SORCS2: variants seen among roughly 807,000 people sequenced by gnomAD.
SORCS2 encodes the protein sortilin related VPS10 domain containing receptor 2.
In SORCS2, 100 loss-of-function variants were observed where a neutral mutation model predicts 141.6. The observed-to-expected ratio is 0.71, with a 90% CI of 0.60 to 0.83. SORCS2 has a LOEUF of 0.83. Ranked by LOEUF, SORCS2 falls within the 40% of genes least tolerant of loss-of-function variation. The pLI is 0.00. For missense variants in SORCS2, 1,646 were observed against 1,560.2 expected (o/e 1.05, Z -0.93); for synonymous variants, 789 against 676.9 (o/e 1.17, Z -2.57).
At chr4:7,472,256 G>C (rs1730021557) in intron 2 of SORCS2, among the ~76,000 whole-genome samples, 1 of 152,160 alleles carries the variant, frequency 6.6e-6, no homozygotes, top group African/African-American at 2.4e-5. Context: ...CCTGGGGCTG[G>C]CTGCACAGGG....
chr4:7,266,742 C>T (rs375295440), intron 1 of SORCS2, among the ~76,000 whole-genome samples: 6 of 152,198 alleles, frequency 3.9e-5, no homozygotes, highest in East Asian at 1.9e-4. Context: ...TCTATGGGAA[C>T]GCTGCCTCTC....
intron 1 of SORCS2, among the ~76,000 whole-genome samples, chr4:7,343,765 G>A (rs1436707486): frequency 1.3e-5 from 2 of 152,160 alleles, no homozygotes; most frequent in Non-Finnish European, 2.9e-5. Flanking sequence ...GTTGGTACAC[G>A]GCGTAGAATA....
intron 3 of SORCS2, among the ~76,000 whole-genome samples, chr4:7,601,924 C>T (rs1265306530): frequency 6.6e-6 from 1 of 152,130 alleles, no homozygotes; most frequent in African/African-American, 2.4e-5. Flanking sequence ...CATCTTGCAC[C>T]GCCCTTAATC....
intron 2 of SORCS2, among the ~76,000 whole-genome samples, chr4:7,479,361 C>T (rs1336427952): frequency 6.6e-6 from 1 of 152,158 alleles, no homozygotes; most frequent in Admixed American, 6.5e-5. Flanking sequence ...GCCCTCCCTC[C>T]AGAGGCCAAG....
chr4:7,371,932 T>A (rs1003929622), intron 1 of SORCS2, among the ~76,000 whole-genome samples: 1 of 152,154 alleles, frequency 6.6e-6, no homozygotes, highest in Admixed American at 6.5e-5. Flanking sequence ...CTGTGTTGGC[T>A]CTGGCAGGAA....
chr4:7,488,109 A>G (rs1252018187), intron 2 of SORCS2, among the ~76,000 whole-genome samples: 3 of 152,184 alleles, frequency 2.0e-5, no homozygotes, highest in African/African-American at 4.8e-5. Context: ...TTCGGAAATT[A>G]AGGCAATCTT....
intron 3 of SORCS2, among the ~76,000 whole-genome samples, chr4:7,635,210 C>T (rs139588565): frequency 1.1e-3 from 167 of 152,328 alleles, no homozygotes; most frequent in African/African-American, 3.7e-3. Flanking sequence ...ATGCCCCATC[C>T]TGCGTGGGTG....
intron 11 of SORCS2, among the ~76,000 whole-genome samples, chr4:7,695,590 G>T (rs1560490158): frequency 6.6e-5 from 3 of 45,514 alleles, no homozygotes; most frequent in African/African-American, 1.9e-4. Flanking sequence ...ATGGATTGGT[G>T]GGTGGGTGGG....
chr4:7,659,905 A>G (rs1722040616), intron 5 of SORCS2, among the ~76,000 whole-genome samples: 1 of 152,170 alleles, frequency 6.6e-6, no homozygotes, highest in Non-Finnish European at 1.5e-5. Flanking sequence ...TGATGAAAAG[A>G]TGTTGCTTTG....
At chr4:7,557,090 G>T (rs1430256308) in intron 3 of SORCS2, among the ~76,000 whole-genome samples, 1 of 152,102 alleles carries the variant, frequency 6.6e-6, no homozygotes, top group African/African-American at 2.4e-5. Flanking sequence ...CCTCTCAGTG[G>T]GAAGACAAGT....
intron 17 of SORCS2, among the ~76,000 whole-genome samples, chr4:7,716,822 C>T (rs140819467): frequency 3.9e-5 from 6 of 152,258 alleles, no homozygotes; most frequent in Non-Finnish European, 2.9e-5. Flanking sequence ...GAGCCAGGAT[C>T]TTGATCAAGA....
chr4:7,451,080 A>T (rs1369682088), intron 2 of SORCS2, among the ~76,000 whole-genome samples: 1 of 152,106 alleles, frequency 6.6e-6, no homozygotes, highest in Non-Finnish European at 1.5e-5. Context: ...GAGTGAGTGA[A>T]TGCATGAGTG....
intron 1 of SORCS2, among the ~76,000 whole-genome samples, chr4:7,304,668 G>A (rs1208204316): frequency 1.3e-5 from 2 of 152,216 alleles, no homozygotes; most frequent in Non-Finnish European, 2.9e-5. Flanking sequence ...GGGAGCAGAA[G>A]CCGTGGAGGC....
intron 2 of SORCS2, among the ~76,000 whole-genome samples, chr4:7,402,151 A>G (rs1362495879): frequency 6.6e-6 from 1 of 152,180 alleles, no homozygotes; most frequent in Admixed American, 6.5e-5. Context: ...GTCCAGCTCA[A>G]TGCCTGTAAT....
At chr4:7,578,320 A>T (rs1715907620) in intron 3 of SORCS2, among the ~76,000 whole-genome samples, 1 of 152,132 alleles carries the variant, frequency 6.6e-6, no homozygotes, top group Admixed American at 6.5e-5. Context: ...TTCCTTAATA[A>T]ATTACCCGGT....
At chr4:7,686,906 G>A (rs1723914927) in intron 10 of SORCS2, among the ~76,000 whole-genome samples, 1 of 152,200 alleles carries the variant, frequency 6.6e-6, no homozygotes, top group African/African-American at 2.4e-5. Flanking sequence ...CCAGTGGCCT[G>A]CAGGCCGTAA....
chr4:7,316,232 AT>A (rs1718543173), intron 1 of SORCS2, among the ~76,000 whole-genome samples: 2 of 151,490 alleles, frequency 1.3e-5, no homozygotes, highest in South Asian at 4.2e-4. Context: ...CCATCCATCC[AT>A]CCATCCATCC....
At chr4:7,534,097 G>T (rs1218842934) in intron 3 of SORCS2, among the ~76,000 whole-genome samples, 2 of 152,218 alleles carry the variant, frequency 1.3e-5, no homozygotes, top group African/African-American at 4.8e-5. Context: ...ATCACTGCGG[G>T]TACAGGATTG....
At chr4:7,719,882 G>A (rs1026186204) in intron 18 of SORCS2, among the ~76,000 whole-genome samples, 3 of 152,168 alleles carry the variant, frequency 2.0e-5, no homozygotes, top group Admixed American at 6.5e-5. Flanking sequence ...TGGAGTTGGC[G>A]GAAGTGAAGA....
Sources: gnomAD v4.1 joint callset for allele counts (sites outside exome capture counted in the v4.1 genomes callset) on GRCh38, gnomAD v4.1.1 for gene constraint, MANE v1.5 for transcripts, NCBI Gene and HGNC (gene_info 2026-07-23, HGNC 2026-07-21) for gene names.